The following MEGF11 variants were observed in gnomAD, a reference collection of about 807,000 sequenced individuals.
MEGF11 encodes the protein multiple EGF like domains 11.
MEGF11 carries 126 observed loss-of-function variants against 146.6 expected under a neutral mutation model. The ratio of observed to expected loss-of-function variants is 0.86; its 90% confidence interval spans 0.74 to 1.00. The LOEUF is 1.00. Among genes scored for constraint, MEGF11 ranks in the 50% least tolerant of loss-of-function variants. The pLI is 0.00. For missense variants in MEGF11, 1,509 were observed against 1,521.2 expected, an observed-to-expected ratio of 0.99 and a Z score of 0.13; for synonymous variants, 532 against 583.4, an observed-to-expected ratio of 0.91 and a Z score of 1.27.
intron 5 of MEGF11, among the ~76,000 whole-genome samples, chr15:66,043,471 G>A (rs1482988809): frequency 6.6e-6 from 1 of 152,262 alleles, no homozygotes; most frequent in Non-Finnish European, 1.5e-5. Flanking sequence ...GCGTGGCCCA[G>A]AGGCCCTTCG....
At chr15:66,065,596 G>A (rs1484835178) in intron 5 of MEGF11, among the ~76,000 whole-genome samples, 1 of 152,176 alleles carries the variant, frequency 6.6e-6, no homozygotes, top group Non-Finnish European at 1.5e-5. Context: ...GTGGGGGTGG[G>A]TACTGAGGTG....
At chr15:65,930,512 T>G (rs1165311528) in intron 11 of MEGF11, among the ~76,000 whole-genome samples, 1 of 152,148 alleles carries the variant, frequency 6.6e-6, no homozygotes, top group Non-Finnish European at 1.5e-5. Flanking sequence ...TGGGAACGCT[T>G]TCTTTTGTCC....
At chr15:66,056,811 G>A (rs184864581) in intron 5 of MEGF11, among the ~76,000 whole-genome samples, 3 of 152,264 alleles carry the variant, frequency 2.0e-5, no homozygotes, top group East Asian at 3.9e-4. Context: ...AACTGACAGC[G>A]TCGGATTCAT....
chr15:66,108,702 C>A (rs78930778), intron 4 of MEGF11, among the ~76,000 whole-genome samples: 11,499 of 152,150 alleles, frequency 0.076, 541 homozygotes, highest in Non-Finnish European at 0.11. Context: ...AGGAGGCCAG[C>A]GTGGGAGGCA....
intron 1 of MEGF11, among the ~76,000 whole-genome samples, chr15:66,201,143 C>T (rs548345390): frequency 1.2e-4 from 19 of 152,234 alleles, no homozygotes; most frequent in African/African-American, 4.6e-4. Flanking sequence ...GAAGCCCTCA[C>T]TGCTTGGGTA....
intron 10 of MEGF11, among the ~76,000 whole-genome samples, chr15:65,946,891 A>G (rs1385736580): frequency 1.3e-5 from 2 of 150,798 alleles, no homozygotes; most frequent in East Asian, 3.9e-4. Flanking sequence ...CCCTCCCTAC[A>G]CCCTCCTCGA....
At chr15:66,137,486 A>T (rs2088944099) in intron 1 of MEGF11, among the ~76,000 whole-genome samples, 1 of 152,084 alleles carries the variant, frequency 6.6e-6, no homozygotes. Context: ...GAGGAAGGAC[A>T]GGAAGATGCT....
intron 10 of MEGF11, among the ~76,000 whole-genome samples, chr15:65,944,461 CT>C (rs1275887802): frequency 6.6e-6 from 1 of 152,098 alleles, no homozygotes; most frequent in Non-Finnish European, 1.5e-5. Context: ...GGTTGGGGGG[CT>C]GCAGGGTAAG....
At chr15:66,253,182 G>T (rs1168168550) in intron 1 of MEGF11, among the ~76,000 whole-genome samples, 2 of 152,174 alleles carry the variant, frequency 1.3e-5, no homozygotes, top group Non-Finnish European at 2.9e-5. Context: ...TGCAGTGAGT[G>T]CAGCCGGCGC....
chr15:66,042,462 C>T (rs1379065502), intron 5 of MEGF11, among the ~76,000 whole-genome samples: 1 of 152,082 alleles, frequency 6.6e-6, no homozygotes, highest in African/African-American at 2.4e-5. Context: ...GAATGGAGGC[C>T]AAGAAAGGTT....
intron 4 of MEGF11, among the ~76,000 whole-genome samples, chr15:66,116,036 C>T (rs2087710467): frequency 6.6e-6 from 1 of 152,202 alleles, no homozygotes; most frequent in Admixed American, 6.5e-5. Flanking sequence ...CAGCCACCTG[C>T]ACCTCCCGCT....
chr15:65,939,492 C>CTTT (rs869271515), intron 10 of MEGF11, among the ~76,000 whole-genome samples: 1 of 135,014 alleles, frequency 7.4e-6, no homozygotes, highest in Non-Finnish European at 1.6e-5. Flanking sequence ...CAGCTCCCAA[C>CTTT]TTTTTTTTTT....
chr15:66,085,030 T>G (rs2086047442), intron 5 of MEGF11, among the ~76,000 whole-genome samples: 1 of 152,120 alleles, frequency 6.6e-6, no homozygotes, highest in Non-Finnish European at 1.5e-5. Flanking sequence ...GCATGGGAGC[T>G]GGGTGAGGCC....
intron 1 of MEGF11, among the ~76,000 whole-genome samples, chr15:66,220,318 A>C (rs372448805): frequency 8.6e-5 from 13 of 152,044 alleles, no homozygotes; most frequent in African/African-American, 3.1e-4. Flanking sequence ...CTACTTAGCA[A>C]TAAAAATTAA....
chr15:66,045,717 G>A (rs987544011), intron 5 of MEGF11, among the ~76,000 whole-genome samples: 2 of 152,166 alleles, frequency 1.3e-5, no homozygotes, highest in Non-Finnish European at 2.9e-5. Flanking sequence ...TGGGCAGGGC[G>A]CTTTACAGTT....
chr15:66,092,493 A>C (rs2086360262), intron 5 of MEGF11, among the ~76,000 whole-genome samples: 1 of 152,138 alleles, frequency 6.6e-6, no homozygotes, highest in Non-Finnish European at 1.5e-5. Context: ...GAATGGGAGG[A>C]GTTAAATCAG....
intron 5 of MEGF11, among the ~76,000 whole-genome samples, chr15:66,008,435 A>G (rs1490999008): frequency 2.7e-5 from 4 of 149,022 alleles, no homozygotes; most frequent in Non-Finnish European, 6.0e-5. Context: ...ACACACACAC[A>G]CACACACACA....
At chr15:66,244,146 G>A (rs1463779070) in intron 1 of MEGF11, among the ~76,000 whole-genome samples, 3 of 152,094 alleles carry the variant, frequency 2.0e-5, no homozygotes, top group Non-Finnish European at 4.4e-5. Context: ...GCTCAACCGC[G>A]AGGCCCTAAC....
chr15:66,037,174 GCAGCATCCAGCCCTCC>G (rs1214590051), intron 5 of MEGF11, among the ~76,000 whole-genome samples: 1 of 152,150 alleles, frequency 6.6e-6, no homozygotes, highest in Non-Finnish European at 1.5e-5. Context: ...AACAGTCCTC[GCAGCATCCAGCCCTCC>G]CATTACACCC....
Sources: allele counts gnomAD v4.1 joint callset (sites outside exome capture counted in the v4.1 genomes callset), GRCh38; gene constraint gnomAD v4.1.1; transcripts MANE v1.5; gene names NCBI Gene and HGNC (gene_info 2026-07-23, HGNC 2026-07-21).